STIM2: variants seen among roughly 807,000 people sequenced by gnomAD.
STIM2 encodes stromal interaction molecule 2.
STIM2 carries 31 observed loss-of-function variants against 85.8 expected under a neutral mutation model. The observed-to-expected ratio is 0.36, with a 90% CI of 0.27 to 0.49. The LOEUF is 0.49. Ranked by LOEUF, STIM2 falls within the 20% of genes least tolerant of loss-of-function variation. The pLI, the probability that STIM2 is intolerant of heterozygous loss-of-function variation, is 0.98. For synonymous variants in STIM2, 356 were observed against 331.1 expected, an observed-to-expected ratio of 1.08 and a Z score of -0.82; for missense variants, 841 against 927.6, an observed-to-expected ratio of 0.91 and a Z score of 1.21.
intron 1 of STIM2, among the ~76,000 whole-genome samples, chr4:26,864,369 A>G (rs914734561): frequency 2.0e-5 from 3 of 152,044 alleles, no homozygotes; most frequent in African/African-American, 7.2e-5. Flanking sequence ...ATAACTCAAA[A>G]CAATAGTTTT....
intron 3 of STIM2, among the ~76,000 whole-genome samples, chr4:26,977,195 C>T (rs188617882): frequency 8.0e-4 from 122 of 152,172 alleles, no homozygotes; most frequent in African/African-American, 2.6e-3. Flanking sequence ...CCAAGGCTTA[C>T]GGCTGACACA....
intron 2 of STIM2, among the ~76,000 whole-genome samples, chr4:26,921,304 ACTT>A (rs147009766): frequency 0.012 from 1,897 of 152,302 alleles, 20 homozygotes; most frequent in Non-Finnish European, 0.02. Context: ...TTGATTTTGA[ACTT>A]CTTTCTAGCC....
rs767240785 is a variant in STIM2, at chr4:27,002,345, T to G, written c.754T>G (p.Leu252Val). ...ACATGTTGCAAAAATGATGAAAGAT[T>G]TAGAGAGCTTACAAACTGCAGAGCA... is the stretch of plus-strand genomic sequence containing the variant. Residue 252 changes from leucine (L) to valine (V), a missense_variant, in exon 6 of 12, where the codon TTA becomes GTA. Transcript: ENST00000467087. The G allele has an allele frequency of 3.7e-6, 6 of 1,613,180 alleles. No homozygotes were observed. The highest frequency in any genetic ancestry group is 4.2e-6 in the Non-Finnish European group (5 of 1,179,770).
chr4:26,923,342 GT>G (rs1339988552), intron 2 of STIM2, among the ~76,000 whole-genome samples: 1 of 152,086 alleles, frequency 6.6e-6, no homozygotes, highest in South Asian at 2.1e-4. Context: ...AAGGAACGCA[GT>G]TCCTCACCAG....
intron 1 of STIM2, among the ~76,000 whole-genome samples, chr4:26,904,587 T>C (rs957170621): frequency 6.6e-6 from 1 of 152,144 alleles, no homozygotes; most frequent in Non-Finnish European, 1.5e-5. Context: ...ATAGGTGATC[T>C]TGACCAGGCC....
intron 1 of STIM2, among the ~76,000 whole-genome samples, chr4:26,910,958 C>T (rs1051386820): frequency 2.6e-5 from 4 of 152,030 alleles, no homozygotes; most frequent in Non-Finnish European, 5.9e-5. Flanking sequence ...CATTTGAGGT[C>T]GGGTGCAGTG....
chr4:27,005,999 TATG>T (rs772386945), intron 7 of STIM2, among the ~76,000 whole-genome samples: 13 of 152,214 alleles, frequency 8.5e-5, no homozygotes, highest in Non-Finnish European at 1.8e-4. Context: ...TTTGTGGTGT[TATG>T]CAGGTCTGCA....
intron 3 of STIM2, among the ~76,000 whole-genome samples, chr4:26,966,812 CG>C (rs1726743252): frequency 6.6e-6 from 1 of 151,694 alleles, no homozygotes; most frequent in South Asian, 2.1e-4. Flanking sequence ...AATTAAAAAC[CG>C]TTTCAATCTC....
At chr4:26,898,154 ACTT>A (rs745765599) in intron 1 of STIM2, among the ~76,000 whole-genome samples, 5 of 152,182 alleles carry the variant, frequency 3.3e-5, no homozygotes, top group Non-Finnish European at 5.9e-5. Context: ...TTCAGACAGC[ACTT>A]CTTTTTTCCT....
chr4:26,972,364 A>T (rs912865666), intron 3 of STIM2, among the ~76,000 whole-genome samples: 3 of 152,122 alleles, frequency 2.0e-5, no homozygotes, highest in African/African-American at 7.2e-5. Context: ...TCAGTATGAT[A>T]CTGGCTGTGG....
At chr4:26,901,317 G>C (rs547914717) in intron 1 of STIM2, among the ~76,000 whole-genome samples, 1 of 152,168 alleles carries the variant, frequency 6.6e-6, no homozygotes, top group Non-Finnish European at 1.5e-5. Context: ...AAATTTCTAG[G>C]AACTGAGGTT....
intron 1 of STIM2, among the ~76,000 whole-genome samples, chr4:26,914,510 A>G (rs995150968): frequency 1.3e-5 from 2 of 152,140 alleles, no homozygotes; most frequent in Non-Finnish European, 2.9e-5. Flanking sequence ...TATATCTGTC[A>G]TTGTATCTGC....
intron 3 of STIM2, among the ~76,000 whole-genome samples, chr4:26,991,433 A>C (rs1041010141): frequency 2.0e-5 from 3 of 152,072 alleles, no homozygotes; most frequent in African/African-American, 4.8e-5. Context: ...GGAAGCGAAG[A>C]GGGGAATGAA....
intron 1 of STIM2, among the ~76,000 whole-genome samples, chr4:26,875,651 A>G (rs1002973448): frequency 6.6e-6 from 1 of 152,166 alleles, no homozygotes; most frequent in Non-Finnish European, 1.5e-5. Flanking sequence ...TTTCTAGACA[A>G]ATGGGAGCTG....
At chr4:26,943,664 G>GCGCTC (rs1725704919) in intron 2 of STIM2, among the ~76,000 whole-genome samples, 1 of 152,074 alleles carries the variant, frequency 6.6e-6, no homozygotes. Flanking sequence ...AGTGCTAGCA[G>GCGCTC]CGCTCCGTTA....
chr4:27,018,060 TG>T (rs1455261835), intron 11 of STIM2, 76 bp downstream of exon 11: 2 of 1,558,550 alleles, frequency 1.3e-6, no homozygotes, highest in Non-Finnish European at 1.7e-6. Context: ...GCGGGAGGAG[TG>T]GTGCATGTTT....
At chr4:26,908,089 T>C (rs1268358002) in intron 1 of STIM2, among the ~76,000 whole-genome samples, 1 of 152,154 alleles carries the variant, frequency 6.6e-6, no homozygotes, top group East Asian at 1.9e-4. Context: ...TCAAAAAAAA[T>C]CCAGTAAACA....
chr4:26,950,859 G>T (rs1268907282), intron 2 of STIM2, among the ~76,000 whole-genome samples: 1 of 152,006 alleles, frequency 6.6e-6, no homozygotes, highest in Non-Finnish European at 1.5e-5. Context: ...TAGGCTAGAA[G>T]TTAAGAGAGA....
intron 3 of STIM2, among the ~76,000 whole-genome samples, chr4:26,978,743 T>G (rs1020452245): frequency 6.6e-6 from 1 of 152,054 alleles, no homozygotes; most frequent in Non-Finnish European, 1.5e-5. Context: ...TGGAGTCTTG[T>G]CTCCAAAGAA....
Sources: allele counts gnomAD v4.1 joint callset (sites outside exome capture counted in the v4.1 genomes callset), GRCh38; gene constraint gnomAD v4.1.1; transcripts MANE v1.5; gene names NCBI Gene and HGNC (gene_info 2026-07-23, HGNC 2026-07-21).